Variants in PEBP4 observed in about 807,000 individuals in gnomAD.
PEBP4 encodes the protein phosphatidylethanolamine-binding protein 4.
Under a neutral mutation model 23.9 loss-of-function variants are expected in PEBP4, and 22 were observed. The ratio of observed to expected loss-of-function variants is 0.92; its 90% CI spans 0.66 to 1.31. The LOEUF (loss-of-function observed/expected upper bound fraction) is 1.31. Ranked by LOEUF, PEBP4 falls within the 40% of genes most tolerant of loss-of-function variation. PEBP4 has a pLI of 0.00. For missense variants in PEBP4, 324 were observed against 281.7 expected, an observed-to-expected ratio of 1.15 and a Z score of -1.07; for synonymous variants, 112 against 99.3, an observed-to-expected ratio of 1.13 and a Z score of -0.76.
At chr8:22,930,286 G>A (rs148753579), upstream of PEBP4, among the ~76,000 whole-genome samples, 573 of 152,226 alleles carry the variant, frequency 3.8e-3, 7 homozygotes, top group East Asian at 0.013. Context: ...CTGAAATGTC[G>A]TTTCCTAAGA....
intron 6 of PEBP4, among the ~76,000 whole-genome samples, chr8:22,721,153 C>T (rs993880945): frequency 3.3e-5 from 5 of 152,096 alleles, no homozygotes; most frequent in Non-Finnish European, 2.9e-5. Context: ...CTGGGAAAGT[C>T]GAGCCTCATC....
chr8:22,877,937 GACAC>G (rs60120809), intron 3 of PEBP4: 10 of 150,488 alleles, frequency 6.6e-5, no homozygotes, highest in East Asian at 3.9e-4. Context: ...CGCGTGCGCA[GACAC>G]ACACACACAC....
Position 22,819,984 on chromosome 8 carries a change from C to G in PEBP4, c.259-2249G>C, listed in dbSNP as rs561860856. ...AGTATAGAAAGGGAGGTAGAGATGA[C>G]AGAGAGGAGGAAGGGGATCATTACA... On this transcript the variant is annotated intron_variant, in intron 3 of 6. Transcript: ENST00000256404. Among the ~76,000 whole-genome samples the G allele has an allele frequency of 4.6e-5, 7 of 152,114 alleles. No homozygotes were observed. In the South Asian group the frequency reaches 1.5e-3, roughly 32 times the overall value.
At chr8:22,714,861 G>A (rs1804381595) in intron 6 of PEBP4, among the ~76,000 whole-genome samples, 2 of 152,176 alleles carry the variant, frequency 1.3e-5, no homozygotes, top group South Asian at 4.1e-4. Context: ...TGTTCTCAAG[G>A]AGAGGATAAT....
intron 6 of PEBP4, among the ~76,000 whole-genome samples, chr8:22,722,929 C>T (rs994897079): frequency 4.7e-5 from 7 of 147,952 alleles, no homozygotes; most frequent in East Asian, 4.0e-4. Flanking sequence ...CCCACCGCCA[C>T]GCTGGGCTAA....
intron 4 of PEBP4, among the ~76,000 whole-genome samples, chr8:22,741,584 G>A (rs954544995): frequency 6.6e-6 from 1 of 152,180 alleles, no homozygotes; most frequent in African/African-American, 2.4e-5. Flanking sequence ...GAGAGGAAGG[G>A]AGGCCCACTG....
At chr8:22,935,602 T>C (rs1294152147) in intron 1 of PEBP4, among the ~76,000 whole-genome samples, 1 of 152,222 alleles carries the variant, frequency 6.6e-6, no homozygotes, top group Non-Finnish European at 1.5e-5. Context: ...TTTGAAGGCC[T>C]ATGGAATACT....
chr8:22,813,578 T>C (rs1411038599), intron 4 of PEBP4, among the ~76,000 whole-genome samples: 1 of 152,234 alleles, frequency 6.6e-6, no homozygotes, highest in Non-Finnish European at 1.5e-5. Context: ...TGAAAATGAA[T>C]GATGCAAATT....
At chr8:22,729,080 G>A (rs1040258964) in intron 4 of PEBP4, among the ~76,000 whole-genome samples, 3 of 152,222 alleles carry the variant, frequency 2.0e-5, no homozygotes, top group African/African-American at 7.2e-5. Flanking sequence ...TTTATCCAGG[G>A]CTGGCATTAT....
chr8:22,722,132 GC>G (rs1393658029), intron 6 of PEBP4, among the ~76,000 whole-genome samples: 2 of 151,886 alleles, frequency 1.3e-5, no homozygotes, highest in Non-Finnish European at 2.9e-5. Context: ...CCACTCCTCT[GC>G]CGGACTTCTG....
Position 22,817,766 on chromosome 8 carries a change from C to T in PEBP4, c.259-31G>A, listed in dbSNP as rs370009112. The T allele has an allele frequency of 2.3e-5, 36 of 1,593,158 alleles. 1 individual carries two copies. The South Asian group carries it at 2.8e-4, about 12-fold the overall frequency. The stretch of plus-strand genomic sequence containing the variant: ...ACACATGTACCGAAAAGTAATGTAG[C>T]GTCATGGCTGAAATAGGAAAATACC... On this transcript the variant is annotated intron_variant, in intron 3 of 6. Transcript: ENST00000256404.
At chr8:22,766,338 A>C (rs906131166) in intron 4 of PEBP4, among the ~76,000 whole-genome samples, 1 of 152,182 alleles carries the variant, frequency 6.6e-6, no homozygotes, top group Non-Finnish European at 1.5e-5. Context: ...TTGGGTGATG[A>C]CCAGTTCATA....
intron 3 of PEBP4, among the ~76,000 whole-genome samples, chr8:22,831,808 T>A (rs1000165429): frequency 2.0e-5 from 3 of 152,110 alleles, no homozygotes; most frequent in Non-Finnish European, 2.9e-5. Context: ...AAGCAGCACA[T>A]CCACAGGCAG....
At chr8:22,841,429 A>G (rs1460044916) in intron 3 of PEBP4, among the ~76,000 whole-genome samples, 1 of 152,230 alleles carries the variant, frequency 6.6e-6, no homozygotes, top group South Asian at 2.1e-4. Context: ...GGTGCCAAAT[A>G]TTTTGTCATT....
At chr8:22,911,528 G>C (rs1002571695) in intron 3 of PEBP4, among the ~76,000 whole-genome samples, 1 of 152,152 alleles carries the variant, frequency 6.6e-6, no homozygotes, top group Non-Finnish European at 1.5e-5. Context: ...AATAACACAT[G>C]ATACTGCTCT....
At chr8:22,863,901 G>A (rs1013485654) in intron 3 of PEBP4, among the ~76,000 whole-genome samples, 1 of 152,124 alleles carries the variant, frequency 6.6e-6, no homozygotes, top group African/African-American at 2.4e-5. Flanking sequence ...TCAAATGCAC[G>A]CTGTCCTCTC....
intron 2 of PEBP4, among the ~76,000 whole-genome samples, chr8:22,926,017 C>A (rs781363595): frequency 3.3e-5 from 5 of 152,118 alleles, no homozygotes; most frequent in Non-Finnish European, 7.4e-5. Context: ...GGTCTGTCGC[C>A]CAGGCTAGAG....
chr8:22,812,065 G>A (rs189623036), intron 4 of PEBP4, among the ~76,000 whole-genome samples: 6 of 152,324 alleles, frequency 3.9e-5, no homozygotes, highest in Non-Finnish European at 8.8e-5. Context: ...CTGAGCCTCA[G>A]AGGCTTCTCC....
At chr8:22,889,119 G>A (rs551992279) in intron 3 of PEBP4, among the ~76,000 whole-genome samples, 3 of 152,320 alleles carry the variant, frequency 2.0e-5, no homozygotes, top group African/African-American at 4.8e-5. Context: ...TTCAAACCTC[G>A]AAAATGACTT....
Sources: gnomAD v4.1 joint callset for allele counts (sites outside exome capture counted in the v4.1 genomes callset) on GRCh38, gnomAD v4.1.1 for gene constraint, MANE v1.5 for transcripts, NCBI Gene and HGNC (gene_info 2026-07-23, HGNC 2026-07-21) for gene names.